PFN4: variants seen among roughly 807,000 people sequenced by gnomAD.
The protein encoded by PFN4 is profilin-4.
A neutral mutation model predicts 16.3 loss-of-function variants in PFN4; 10 were observed. That is an observed-to-expected ratio of 0.61 (90% CI 0.38 to 1.04). The LOEUF (loss-of-function observed/expected upper bound fraction) is 1.04. PFN4 is among the 50% of genes least tolerant of loss of function. The pLI, the probability that PFN4 is intolerant of heterozygous loss-of-function variation, is 0.01. For missense variants in PFN4, 136 were observed against 153.6 expected (o/e 0.89, Z 0.61); for synonymous variants, 54 against 56.9 (o/e 0.95, Z 0.23).
intron 2 of PFN4, 69 bp from the exon 3 acceptor site, chr2:24,121,369 C>CT: frequency 6.7e-7 from 1 of 1,488,186 alleles, no homozygotes; most frequent in Non-Finnish European, 9.1e-7. Context: ...ATTTAGCCCA[C>CT]TACCTGTTTT....
At chr2:24,122,628 T>C in intron 1 of PFN4, 81 bp from the exon 2 acceptor site, 1 of 833,608 alleles carries the variant, frequency 1.2e-6, no homozygotes, top group Non-Finnish European at 2.0e-6. Flanking sequence ...CTTAAGACAC[T>C]GCAGACAGTT....
chr2:24,116,515 A>G (rs1262318903), intron 4 of PFN4, among the ~76,000 whole-genome samples: 2 of 152,078 alleles, frequency 1.3e-5, no homozygotes, highest in East Asian at 3.9e-4. Context: ...TTTTATACAG[A>G]GTCTTGCAGA....
At chr2:24,122,627 C>T in intron 1 of PFN4, 80 bp from the exon 2 acceptor site, 1 of 841,172 alleles carries the variant, frequency 1.2e-6, no homozygotes. Flanking sequence ...CCTTAAGACA[C>T]TGCAGACAGT....
In PFN4 at chr2:24,121,202, T is replaced by A. The variant is rs142176262; in HGVS notation, c.216A>T (p.Arg72Ser). 1.5e-5 allele frequency: 25 copies of A among 1,614,072 alleles called. No homozygotes were observed. Among genetic ancestry groups the A allele is most frequent in the Non-Finnish European group, 2.0e-5 (24 of 1,180,030 alleles). Residue 72 changes from arginine (R) to serine (S), a missense_variant, in exon 3 of 5, where the codon AGA becomes AGT. Transcript: ENST00000313213. ...GAGAATATTCATCTGCCCGGACACA[T>A]CTGTAATCTTTTCCCTTGAAATACA... is the stretch of plus-strand genomic sequence containing the variant. ...EGLYFKGKDY[R>S]CVRADEYSLY...
intron 3 of PFN4, 123 bp from the exon 4 acceptor site, chr2:24,119,805 A>G: frequency 1.2e-5 from 8 of 641,020 alleles, no homozygotes; most frequent in South Asian, 2.2e-5. Flanking sequence ...TATGGAATAT[A>G]CATATTCCGT....
chr2:24,119,497 T>G, intron 4 of PFN4, 80 bp downstream of exon 4: 2 of 1,003,318 alleles, frequency 2.0e-6, no homozygotes, highest in Non-Finnish European at 3.0e-6. Context: ...CTAGCTGGTT[T>G]GAGTTGGATC....
At chr2:24,119,467 A>T in intron 4 of PFN4, 110 bp downstream of exon 4, 1 of 743,916 alleles carries the variant, frequency 1.3e-6, no homozygotes, top group Non-Finnish European at 2.2e-6. Flanking sequence ...CATCCTTCCA[A>T]TAAATTCCTC....
Position 24,115,262 on chromosome 2 carries a change from C to T in PFN4, c.*321G>A, listed in dbSNP as rs547538209. The T allele has an allele frequency of 7.0e-4, 195 of 278,892 alleles. No individual in the cohort carries two copies. The highest frequency in any genetic ancestry group is 1.2e-3 in the Non-Finnish European group (169 of 144,946). The allele number at this position is 278,892 out of a possible 1,614,324, so 17.3% of individuals were successfully genotyped here. A position where few individuals can be genotyped will look rare whatever the true frequency, so the allele number is the denominator to read the frequency against. ...TGTCTTGGATAAAGAGTGGTGAGAG[C>T]CTTGCATTCTTGGCATACTTAGCAA... On this transcript the variant is annotated 3_prime_UTR_variant, in exon 5 of 5. Coordinates refer to ENST00000313213, the MANE Select transcript of PFN4 (RefSeq NM_199346.3).
At chr2:24,121,411 GT>G in intron 2 of PFN4, 111 bp from the exon 3 acceptor site, 1 of 1,024,596 alleles carries the variant, frequency 9.8e-7, no homozygotes, top group East Asian at 2.6e-5. Flanking sequence ...TGGTTTTCAT[GT>G]TTTTAAATGG....
chr2:24,121,081 C>T (rs998867944), intron 3 of PFN4, 82 bp downstream of exon 3: 142 of 1,531,362 alleles, frequency 9.3e-5, no homozygotes, highest in Non-Finnish European at 1.1e-4. Context: ...ATCTGTTTTA[C>T]AGAAAGGATC....
At chr2:24,118,579 T>A (rs1266322076) in intron 4 of PFN4, among the ~76,000 whole-genome samples, 1 of 152,172 alleles carries the variant, frequency 6.6e-6, no homozygotes, top group Admixed American at 6.5e-5. Flanking sequence ...GTAATGGGGA[T>A]AATCATAAAG....
chr2:24,122,782 A>G, intron 1 of PFN4: 2 of 354,092 alleles, frequency 5.6e-6, no homozygotes, highest in Non-Finnish European at 1.0e-5. Flanking sequence ...GAGTTTGGAA[A>G]ATCACAGCCT....
In PFN4 at chr2:24,115,489, G is replaced by T; in HGVS notation, c.*94C>A. 9.0e-7 allele frequency: 1 copy of T among 1,106,772 alleles called. No homozygotes were observed. The highest frequency in any genetic ancestry group is 1.3e-6 in the Non-Finnish European group (1 of 752,808). 68.6% of individuals were successfully genotyped at this position (1,106,772 alleles called of 1,614,324 possible). A position where few individuals can be genotyped will look rare whatever the true frequency, so the allele number is the denominator to read the frequency against. On this transcript the variant is annotated 3_prime_UTR_variant, in exon 5 of 5. Transcript: ENST00000313213. ...TCATTCTTCTTTTTTAGTGCCTTCT[G>T]TCTAGTGTTTTTTCAACCATAAAAT... is the stretch of plus-strand genomic sequence containing the variant.
At chr2:24,116,336 A>C (rs1292942164) in intron 4 of PFN4, among the ~76,000 whole-genome samples, 2 of 152,076 alleles carry the variant, frequency 1.3e-5, no homozygotes, top group African/African-American at 4.8e-5. Context: ...TCCAAAACAA[A>C]ACAAAACCTG....
At chr2:24,117,877 C>A (rs1304453928) in intron 4 of PFN4, among the ~76,000 whole-genome samples, 1 of 152,150 alleles carries the variant, frequency 6.6e-6, no homozygotes, top group East Asian at 1.9e-4. Context: ...GGATATCAGC[C>A]TTGTCCATCC....
At chr2:24,122,575 T>C (rs775015451) in intron 1 of PFN4, 28 bp from the exon 2 acceptor site, 5 of 1,397,458 alleles carry the variant, frequency 3.6e-6, no homozygotes, top group South Asian at 2.3e-5. Flanking sequence ...GTTGAAGCCA[T>C]TGACTCTGGC....
chr2:24,118,831 A>G (rs1666008144), intron 4 of PFN4, among the ~76,000 whole-genome samples: 1 of 152,166 alleles, frequency 6.6e-6, no homozygotes, highest in Non-Finnish European at 1.5e-5. Context: ...TGTTTGTTGA[A>G]TGAATGAATG....
In PFN4 at chr2:24,116,876, C is replaced by G. The variant is rs1176673488; in HGVS notation, c.362-1265G>C. ...TGGCTGATAGAATGAAACTGTGTCT[C>G]AAAAAAAAAAAAGAAAAAGAAAAAC... On this transcript the variant is annotated intron_variant, in intron 4 of 4. Transcript: ENST00000313213. 6.2e-5 allele frequency among the ~76,000 whole-genome samples: 7 copies of G among 113,632 alleles called. No individual in the cohort carries two copies. The East Asian group carries it at 1.7e-3, about 27-fold the overall frequency. The allele number at this position is 113,632 out of a possible 152,430, so 74.5% of individuals were successfully genotyped here.
chr2:24,118,827 T>TTGAA (rs1047955035), intron 4 of PFN4, among the ~76,000 whole-genome samples: 17 of 152,256 alleles, frequency 1.1e-4, no homozygotes, highest in East Asian at 3.9e-4. Context: ...TGAATGTTTG[T>TTGAA]TGAATGAATG....
Sources: allele counts gnomAD v4.1 joint callset (sites outside exome capture counted in the v4.1 genomes callset), GRCh38; gene constraint gnomAD v4.1.1; transcripts MANE v1.5; gene names NCBI Gene and HGNC (gene_info 2026-07-23, HGNC 2026-07-21).